AADACL3: variants seen among roughly 807,000 people sequenced by gnomAD.
The protein encoded by AADACL3 is arylacetamide deacetylase like 3.
AADACL3 carries 13 observed loss-of-function variants against 13.6 expected under a neutral mutation model. The observed-to-expected ratio is 0.95, with a 90% CI of 0.62 to 1.52. The LOEUF (loss-of-function observed/expected upper bound fraction) is 1.52. AADACL3 is among the 40% of genes most tolerant of loss of function. The pLI is 0.00. For missense variants in AADACL3, 519 were observed against 499.2 expected, an observed-to-expected ratio of 1.04 and a Z score of -0.38; for synonymous variants, 195 against 197.0, an observed-to-expected ratio of 0.99 and a Z score of 0.08.
At chr1:12,719,407 G>C in intron 1 of AADACL3, 68 bp from the exon 2 acceptor site, 1 of 1,483,672 alleles carries the variant, frequency 6.7e-7, no homozygotes, top group Non-Finnish European at 9.4e-7. Flanking sequence ...GGCAGGTTGT[G>C]AAGGCCAGAC....
At position 12,716,231 on chromosome 1, in the gene AADACL3, G is replaced by T. The variant is rs1406902767; in HGVS notation, c.55G>T (p.Val19Phe). ...AGCAGCCTGCGTGTTCTCACTAGGGGTCACTCTGTGGGTCATTTGCAGCCA... is the reference window on the plus strand; with the variant it reads ...AGCAGCCTGCGTGTTCTCACTAGGGTTCACTCTGTGGGTCATTTGCAGCCA... ...LAAACVFSLG[V>F]TLWVICSHFF... Residue 19 changes from valine (V) to phenylalanine (F), a missense_variant, in exon 1 of 4, where the codon GTC (valine) becomes TTC (phenylalanine). Coordinates refer to ENST00000359318, the MANE Select transcript of AADACL3 (RefSeq NM_001103170.3). 5.8e-6 allele frequency: 8 copies of T among 1,384,594 alleles called. No individual in the cohort carries two copies. The Admixed American group carries it at 1.0e-4, about 17-fold the overall frequency. The allele number at this position is 1,384,594 out of a possible 1,614,324, so 85.8% of individuals were successfully genotyped here. A position where few individuals can be genotyped will look rare whatever the true frequency, so the allele number is the denominator to read the frequency against.
At chr1:12,722,603 G>A (rs1363904744) in intron 3 of AADACL3, among the ~76,000 whole-genome samples, 1 of 151,940 alleles carries the variant, frequency 6.6e-6, no homozygotes, top group Non-Finnish European at 1.5e-5. Context: ...TCCTATTCCC[G>A]GGTGGCCTGA....
At chr1:12,722,827 G>A (rs1482372752) in intron 3 of AADACL3, among the ~76,000 whole-genome samples, 1 of 151,998 alleles carries the variant, frequency 6.6e-6, no homozygotes, top group African/African-American at 2.4e-5. Context: ...AGAGTGCTGT[G>A]TATCTCTGGC....
Position 12,726,078 on chromosome 1 carries a change from G to A in AADACL3, c.*82G>A. 6.2e-6 allele frequency: 9 copies of A among 1,460,186 alleles called. No individual in the cohort carries two copies. Among genetic ancestry groups the A allele is most frequent in the South Asian group, 2.7e-5 (2 of 73,942 alleles). 90.5% of individuals were successfully genotyped at this position (1,460,186 alleles called of 1,614,324 possible). ...ACAGGGCTCTCTGTTGCTGATTTAG[G>A]TGGTGCATAGTGGGGCTAGGGAGGG... is the stretch of plus-strand genomic sequence containing the variant. On this transcript the variant is annotated 3_prime_UTR_variant, in exon 4 of 4. Coordinates refer to ENST00000359318, the MANE Select transcript of AADACL3 (RefSeq NM_001103170.3).
Position 12,716,340 on chromosome 1 carries a change from CTT to C in AADACL3, c.165_166del (p.Trp56GlyfsTer5), listed in dbSNP as rs1557568776. ...CATTGCATCTTCCAGCTGCTGTTGA[CTT>C]GGGTGAGTTTTGTGCTTTATGTGTC... On this transcript the variant is annotated frameshift_variant and splice_region_variant, in exon 1 of 4. Coordinates refer to ENST00000359318, the MANE Select transcript of AADACL3 (RefSeq NM_001103170.3). LOFTEE classifies it high-confidence loss of function. 1 of 1,614,182 alleles carries C rather than the reference CTT, an allele frequency of 6.2e-7. No homozygotes were observed. The highest frequency in any genetic ancestry group is 1.7e-5 in the Admixed American group (1 of 60,030).
rs780466025 is a variant in AADACL3, at chr1:12,726,373, T to C, written c.*377T>C. The stretch of plus-strand genomic sequence containing the variant: ...GTGACTTTCGTCCATTTGACTTGAC[T>C]TTGGAATAGCACAAGGGCATCATGT... On this transcript the variant is annotated 3_prime_UTR_variant, in exon 4 of 4. Transcript: ENST00000359318. 2.8e-5 allele frequency: 6 copies of C among 211,220 alleles called. No individual in the cohort carries two copies. The highest frequency in any genetic ancestry group is 1.7e-3 in the Middle Eastern group (1 of 598). The allele number at this position is 211,220 out of a possible 1,614,324, so 13.1% of individuals were successfully genotyped here.
At position 12,725,450 on chromosome 1, in the gene AADACL3, A is replaced by G. The variant is rs1170936293; in HGVS notation, c.678A>G (p.Gln226=). The G allele has an allele frequency of 1.9e-6, 3 of 1,614,038 alleles. No homozygotes were observed. Among genetic ancestry groups the G allele is most frequent in the Admixed American group, 3.3e-5 (2 of 60,002 alleles). The part of the protein sequence containing the change: ...RAQILIYAIL[Q]ALDLQTPSFQ... ...AGATCCTGATCTATGCCATTCTCCAAGCCCTGGATTTACAAACCCCTTCGT... is the reference window on the plus strand; with the variant it reads ...AGATCCTGATCTATGCCATTCTCCAGGCCCTGGATTTACAAACCCCTTCGT... Residue 226 remains glutamine, a synonymous_variant, in exon 4 of 4, where the codon CAA becomes CAG. Coordinates refer to ENST00000359318, the MANE Select transcript of AADACL3 (RefSeq NM_001103170.3).
chr1:12,723,506 C>A (rs1482368442), intron 3 of AADACL3, among the ~76,000 whole-genome samples: 1 of 152,102 alleles, frequency 6.6e-6, no homozygotes, highest in African/African-American at 2.4e-5. Context: ...GAGATGGGAT[C>A]TCACCCTGTC....
At chr1:12,724,771 C>G (rs1638333722) in intron 3 of AADACL3, among the ~76,000 whole-genome samples, 1 of 152,208 alleles carries the variant, frequency 6.6e-6, no homozygotes, top group African/African-American at 2.4e-5. Flanking sequence ...AAGGCATGAG[C>G]CACCGGCCTG....
intron 1 of AADACL3, among the ~76,000 whole-genome samples, chr1:12,718,642 GCCCACCA>G (rs1395189643): frequency 1.3e-5 from 2 of 152,122 alleles, no homozygotes; most frequent in East Asian, 3.9e-4. Context: ...GAATACAGGA[GCCCACCA>G]CCACACCCAC....
intron 2 of AADACL3, 42 bp downstream of exon 2, chr1:12,719,733 C>T (rs757319261): frequency 2.6e-6 from 4 of 1,563,598 alleles, no homozygotes; most frequent in Middle Eastern, 2.1e-4. Context: ...GTGGTGGCAC[C>T]CCTTAACATA....
intron 3 of AADACL3, 97 bp from the exon 4 acceptor site, chr1:12,725,125 G>T: frequency 7.7e-7 from 1 of 1,301,856 alleles, no homozygotes; most frequent in South Asian, 1.4e-5. Flanking sequence ...GTTTCACAAA[G>T]GGAAGTGAAT....
chr1:12,724,486 C>CT (rs761326105), intron 3 of AADACL3, among the ~76,000 whole-genome samples: 20 of 151,448 alleles, frequency 1.3e-4, no homozygotes, highest in Non-Finnish European at 2.2e-4. Flanking sequence ...TGAGACCCTG[C>CT]TTTTTTTTTC....
chr1:12,724,082 T>C (rs544097499), intron 3 of AADACL3, among the ~76,000 whole-genome samples: 291 of 152,222 alleles, frequency 1.9e-3, no homozygotes, highest in African/African-American at 6.6e-3. Context: ...CTGCACCCGG[T>C]TGGCTTTATG....
chr1:12,725,278 C>G lies in AADACL3; in HGVS notation c.506C>G (p.Ala169Gly). The change falls in exon 4 of 4, where the codon GCC (alanine) becomes GGC (glycine). Residue 169 changes from alanine to glycine, a missense_variant. Coordinates refer to ENST00000359318, the MANE Select transcript of AADACL3 (RefSeq NM_001103170.3). ...GTGCCAGTAAGAGACTGCTTGGTGGCCACCATCCACTTCCTGAAGTCCCTG... is the reference window on the plus strand; with the variant it reads ...GTGCCAGTAAGAGACTGCTTGGTGGGCACCATCCACTTCCTGAAGTCCCTG... ...FPVPVRDCLV[A>G]TIHFLKSLDA... The G allele has an allele frequency of 6.2e-7, 1 of 1,613,648 alleles. No homozygotes were observed. Among genetic ancestry groups the G allele is most frequent in the Non-Finnish European group, 8.5e-7 (1 of 1,179,844 alleles).
chr1:12,725,664 G>A lies in AADACL3; in HGVS notation c.892G>A (p.Gly298Ser), dbSNP rs748316508. Residue 298 changes from glycine to serine, a missense_variant, in exon 4 of 4, where the codon GGT becomes AGT. By Grantham distance (56) the Gly-to-Ser change is moderately conservative. Transcript: ENST00000359318. Reference sequence around the variant, plus strand: ...CATCCCTGAGAGGTTTAAGGAGAGGGGTTACCAACTGAAGCCCCATGAGCC... The same window carrying A: ...CATCCCTGAGAGGTTTAAGGAGAGGAGTTACCAACTGAAGCCCCATGAGCC... ...ENIPERFKER[G>S]YQLKPHEPMN... 1 of 1,614,050 alleles carries A rather than the reference G, an allele frequency of 6.2e-7. No homozygotes were observed. The highest frequency in any genetic ancestry group is 1.7e-5 in the Admixed American group (1 of 60,012).
At chr1:12,718,372 AAAAAAAAAAAGTTCTCAAATG>A (rs1648487650) in intron 1 of AADACL3, among the ~76,000 whole-genome samples, 1 of 151,712 alleles carries the variant, frequency 6.6e-6, no homozygotes, top group Non-Finnish European at 1.5e-5. Context: ...AAAAAAAAAA[AAAAAAAAAAAGTTCTCAAATG>A]AGGCCTGCAG....
At chr1:12,719,777 A>G (rs936872395) in intron 2 of AADACL3, 86 bp downstream of exon 2, 2 of 1,361,486 alleles carry the variant, frequency 1.5e-6, no homozygotes, top group Non-Finnish European at 2.1e-6. Context: ...TGGGACTTAA[A>G]GTATGCTATT....
chr1:12,720,047 CTATT>C (rs1334719005), intron 2 of AADACL3, among the ~76,000 whole-genome samples: 10 of 152,160 alleles, frequency 6.6e-5, no homozygotes, highest in East Asian at 5.8e-4. Context: ...ATCACCACCT[CTATT>C]TAGTTGGAAA....
Sources: allele counts gnomAD v4.1 joint callset (sites outside exome capture counted in the v4.1 genomes callset), GRCh38; gene constraint gnomAD v4.1.1; transcripts MANE v1.5; gene names NCBI Gene and HGNC (gene_info 2026-07-23, HGNC 2026-07-21).